CCDC3: variants seen among roughly 807,000 people sequenced by gnomAD.
CCDC3 encodes the protein coiled-coil domain-containing protein 3.
CCDC3 carries 24 observed loss-of-function variants against 21.4 expected under a neutral mutation model. The ratio of observed to expected loss-of-function variants is 1.12; its 90% CI spans 0.81 to 1.58. The LOEUF (loss-of-function observed/expected upper bound fraction) is 1.58, where lower values mean the gene tolerates loss of function less well. CCDC3 is among the 40% of genes most tolerant of loss of function. CCDC3 has a pLI of 0.00. For missense variants in CCDC3, 425 were observed against 360.9 expected, an observed-to-expected ratio of 1.18 and a Z score of -1.44; for synonymous variants, 186 against 166.0, an observed-to-expected ratio of 1.12 and a Z score of -0.93.
chr10:12,965,072 A>G (rs550964651), intron 2 of CCDC3, among the ~76,000 whole-genome samples: 1 of 152,274 alleles, frequency 6.6e-6, no homozygotes, highest in East Asian at 1.9e-4. Flanking sequence ...ACAGGAGAGG[A>G]GAATGGAGGT....
intron 2 of CCDC3, among the ~76,000 whole-genome samples, chr10:12,995,011 A>G (rs1251123): frequency 0.96 from 145,493 of 151,522 alleles, 69,893 homozygotes; most frequent in East Asian, 1. Context: ...AACCCTCGGA[A>G]GTGGGGATTG....
At chr10:12,983,364 G>A (rs1479894753) in intron 2 of CCDC3, among the ~76,000 whole-genome samples, 1 of 151,252 alleles carries the variant, frequency 6.6e-6, no homozygotes, top group Non-Finnish European at 1.5e-5. Context: ...CTTCAGGTCA[G>A]AAGTTCGAGA....
intron 2 of CCDC3, among the ~76,000 whole-genome samples, chr10:12,916,511 G>A (rs1173704630): frequency 6.6e-6 from 1 of 151,460 alleles, no homozygotes; most frequent in Non-Finnish European, 1.5e-5. Flanking sequence ...GAAGCTATGT[G>A]GACCAACCTG....
chr10:12,965,196 C>T (rs891170306), intron 2 of CCDC3, among the ~76,000 whole-genome samples: 3 of 152,068 alleles, frequency 2.0e-5, no homozygotes, highest in Non-Finnish European at 4.4e-5. Flanking sequence ...CCCTGCTTTC[C>T]CCAAAAAGAG....
At chr10:12,964,216 T>C (rs1835225343) in intron 2 of CCDC3, among the ~76,000 whole-genome samples, 1 of 151,918 alleles carries the variant, frequency 6.6e-6, no homozygotes, top group Non-Finnish European at 1.5e-5. Flanking sequence ...CTACTAAAAA[T>C]GCAAAATTAG....
intron 3 of CCDC3, among the ~76,000 whole-genome samples, chr10:13,080,963 C>G (rs187384253): frequency 4.1e-4 from 63 of 152,316 alleles, no homozygotes; most frequent in African/African-American, 1.4e-3. Context: ...GCCGAGACCT[C>G]GAGAGAGGGG....
intron 2 of CCDC3, among the ~76,000 whole-genome samples, chr10:12,911,969 T>C (rs1834277342): frequency 6.6e-6 from 1 of 152,220 alleles, no homozygotes; most frequent in Non-Finnish European, 1.5e-5. Flanking sequence ...TCACAAATGA[T>C]GGTATATCCT....
chr10:13,001,951 G>A (rs1414357865), upstream of CCDC3, among the ~76,000 whole-genome samples: 5 of 152,212 alleles, frequency 3.3e-5, no homozygotes, highest in Non-Finnish European at 7.3e-5. Flanking sequence ...GATGGACGTG[G>A]TCCGAGCTTG....
intron 2 of CCDC3, among the ~76,000 whole-genome samples, chr10:12,980,022 T>C (rs890456693): frequency 1.3e-5 from 2 of 152,174 alleles, no homozygotes; most frequent in African/African-American, 4.8e-5. Flanking sequence ...TAGCTATGGG[T>C]ATGTCCTAAT....
chr10:12,997,120 G>A (rs1835773295), intron 2 of CCDC3, among the ~76,000 whole-genome samples: 1 of 152,030 alleles, frequency 6.6e-6, no homozygotes, highest in Non-Finnish European at 1.5e-5. Context: ...AAGGGGATTC[G>A]GAAGAACAAG....
chr10:12,957,084 A>G (rs1835100962), intron 2 of CCDC3, among the ~76,000 whole-genome samples: 1 of 152,240 alleles, frequency 6.6e-6, no homozygotes, highest in Non-Finnish European at 1.5e-5. Context: ...AATCATCAGA[A>G]AGGACAAGGG....
chr10:13,049,633 A>G (rs1836577204), intron 5 of CCDC3: 1 of 152,198 alleles, frequency 6.6e-6, no homozygotes, highest in South Asian at 2.1e-4. Flanking sequence ...ACGCCCTTTT[A>G]TGGGAAAACA....
chr10:13,088,951 A>G (rs1837144880), intron 3 of CCDC3, among the ~76,000 whole-genome samples: 1 of 151,876 alleles, frequency 6.6e-6, no homozygotes, highest in Admixed American at 6.6e-5. Context: ...CAAAGGTTGT[A>G]GTGAGCTAAG....
At chr10:12,996,666 T>C (rs1214699950) in intron 2 of CCDC3, among the ~76,000 whole-genome samples, 1 of 152,090 alleles carries the variant, frequency 6.6e-6, no homozygotes, top group African/African-American at 2.4e-5. Context: ...TACCAGCCCT[T>C]CACAGGAATA....
At chr10:13,058,396 A>G (rs1836710480) in intron 4 of CCDC3, 4 of 894,430 alleles carry the variant, frequency 4.5e-6, no homozygotes, top group Admixed American at 3.4e-5. Context: ...CTGCAGCGTA[A>G]TTTGTCAGGC....
At chr10:13,043,349 T>G (rs1836486064) in intron 5 of CCDC3, among the ~76,000 whole-genome samples, 1 of 152,100 alleles carries the variant, frequency 6.6e-6, no homozygotes, top group Admixed American at 6.5e-5. Flanking sequence ...CCCAGCTACT[T>G]TGGGAGGCTG....
chr10:12,974,366 T>C (rs2131266943), intron 2 of CCDC3, among the ~76,000 whole-genome samples: 1 of 152,376 alleles, frequency 6.6e-6, no homozygotes, highest in Admixed American at 6.5e-5. Context: ...TCCGCTGTCC[T>C]GCTGGCAGGG....
chr10:13,061,641 A>G (rs985973511), intron 4 of CCDC3, among the ~76,000 whole-genome samples: 2 of 152,164 alleles, frequency 1.3e-5, no homozygotes, highest in African/African-American at 4.8e-5. Context: ...TTTGGTGGAG[A>G]AAGGTGGGAC....
chr10:13,072,377 G>A (rs969638967), intron 4 of CCDC3, among the ~76,000 whole-genome samples: 9 of 151,706 alleles, frequency 5.9e-5, no homozygotes, highest in East Asian at 3.9e-4. Context: ...TATTCTAACC[G>A]CCGTTGGATG....
Sources: gnomAD v4.1 joint callset for allele counts (sites outside exome capture counted in the v4.1 genomes callset) on GRCh38, gnomAD v4.1.1 for gene constraint, MANE v1.5 for transcripts, NCBI Gene and HGNC (gene_info 2026-07-23, HGNC 2026-07-21) for gene names.